The following EXTL3 variants were observed in gnomAD, a reference collection of about 807,000 sequenced individuals.
The protein encoded by EXTL3 is exostosin like glycosyltransferase 3, also known as exostosin-like 3.
EXTL3 carries 27 observed loss-of-function variants against 69.3 expected under a neutral mutation model. The ratio of observed to expected loss-of-function variants is 0.39; its 90% CI spans 0.29 to 0.54. The LOEUF (loss-of-function observed/expected upper bound fraction) is 0.54, where lower values mean the gene tolerates loss of function less well. EXTL3 is among the 20% of genes least tolerant of loss of function. The pLI is 0.69. For synonymous variants in EXTL3, 511 were observed against 499.4 expected (o/e 1.02, Z -0.31); for missense variants, 1,003 against 1,231.8 (o/e 0.81, Z 2.78).
At chr8:28,755,914 C>T (rs1220870355), downstream of EXTL3, among the ~76,000 whole-genome samples, 5 of 152,178 alleles carry the variant, frequency 3.3e-5, no homozygotes, top group Admixed American at 2.6e-4. Context: ...TTACTGGACC[C>T]GCCTTGGAGC....
chr8:28,610,952 A>G (rs1250633076), intron 2 of EXTL3, among the ~76,000 whole-genome samples: 3 of 152,090 alleles, frequency 2.0e-5, no homozygotes, highest in Admixed American at 1.3e-4. Flanking sequence ...CATGTTGGCC[A>G]GGCTGGTCTT....
At chr8:28,728,469 G>A (rs1362321506) in intron 3 of EXTL3, among the ~76,000 whole-genome samples, 5 of 152,208 alleles carry the variant, frequency 3.3e-5, no homozygotes, top group Admixed American at 2.0e-4. Flanking sequence ...GCAGGGCAAG[G>A]TGGATTTCTC....
chr8:28,736,499 T>C (rs978816783), intron 4 of EXTL3, among the ~76,000 whole-genome samples: 1 of 152,242 alleles, frequency 6.6e-6, no homozygotes, highest in Admixed American at 6.5e-5. Context: ...GGAGATGATA[T>C]AGAAGTTTCT....
chr8:28,710,515 G>A, intron 1 of EXTL3: 2 of 455,950 alleles, frequency 4.4e-6, no homozygotes, highest in South Asian at 3.1e-5. Context: ...TAAGTGGGGA[G>A]AATTTTTATG....
chr8:28,621,085 G>A (rs145890055), upstream of EXTL3, among the ~76,000 whole-genome samples: 7 of 152,258 alleles, frequency 4.6e-5, no homozygotes, highest in East Asian at 1.2e-3. Context: ...TTCAGTGTGT[G>A]TGATTTTCCA....
intron 1 of EXTL3, among the ~76,000 whole-genome samples, chr8:28,657,810 TGGGAGAGTTCCA>T (rs1342740067): frequency 6.6e-6 from 1 of 152,230 alleles, no homozygotes; most frequent in East Asian, 1.9e-4. Context: ...TGGTATCTTT[TGGGAGAGTTCCA>T]AGCTTGGCTT....
chr8:28,679,729 T>A (rs1259460142), intron 1 of EXTL3, among the ~76,000 whole-genome samples: 1 of 140,698 alleles, frequency 7.1e-6, no homozygotes, highest in Non-Finnish European at 1.5e-5. Flanking sequence ...CCCTACCTCT[T>A]AAAAAAAAAA....
At chr8:28,613,426 C>T (rs1333644769) in intron 2 of EXTL3, among the ~76,000 whole-genome samples, 10 of 152,202 alleles carry the variant, frequency 6.6e-5, no homozygotes, top group Admixed American at 1.3e-4. Context: ...TCGTGACCCA[C>T]GTGCCTCAGC....
At position 28,729,292 on chromosome 8, in the gene EXTL3, CAAAAAAA is replaced by C. The variant is rs72487306; in HGVS notation, c.2149-1916_2149-1910del. Reference sequence around the variant, plus strand: ...TCTGGGCCACAGTGAGACTCTATCTCAAAAAAAAAAAAAAAAAAAAATGTCTGGGTGC... The same window carrying C: ...TCTGGGCCACAGTGAGACTCTATCTCAAAAAAAAAAAAAATGTCTGGGTGC... On this transcript the variant is annotated intron_variant, in intron 3 of 6. Transcript: ENST00000220562. 5.4e-5 allele frequency among the ~76,000 whole-genome samples: 4 copies of C among 74,052 alleles called. No individual in the cohort carries two copies. The South Asian group carries it at 1.9e-3, about 36-fold the overall frequency. 48.6% of individuals were successfully genotyped at this position (74,052 alleles called of 152,430 possible).
chr8:28,754,688 C>G lies in EXTL3; in HGVS notation c.*3822C>G, dbSNP rs553228119. 1.6e-4 allele frequency: 24 copies of G among 152,316 alleles called. No homozygotes were observed. Among genetic ancestry groups the G allele is most frequent in the African/African-American group, 5.3e-4 (22 of 41,550 alleles). The allele number at this position is 152,316 out of a possible 1,614,324, so 9.4% of individuals were successfully genotyped here. ...CCTGTCGAGTTGTGTCTTGGACTTACGGTCTGCCAAGGTGGTAAATGTTAG... is the reference window on the plus strand; with the variant it reads ...CCTGTCGAGTTGTGTCTTGGACTTAGGGTCTGCCAAGGTGGTAAATGTTAG... On this transcript the variant is annotated 3_prime_UTR_variant, in exon 7 of 7. Coordinates refer to ENST00000220562, the MANE Select transcript of EXTL3 (RefSeq NM_001440.4).
chr8:28,733,976 C>T (rs935077845), intron 4 of EXTL3, among the ~76,000 whole-genome samples: 2 of 151,578 alleles, frequency 1.3e-5, no homozygotes, highest in Non-Finnish European at 3.0e-5. Flanking sequence ...TGCCACCATG[C>T]CTGGCTAATG....
intron 3 of EXTL3, among the ~76,000 whole-genome samples, chr8:28,723,342 G>A (rs1801338363): frequency 6.6e-6 from 1 of 152,166 alleles, no homozygotes; most frequent in Non-Finnish European, 1.5e-5. Flanking sequence ...GGTGGCTATA[G>A]CTGTGGGTTT....
intron 5 of EXTL3, among the ~76,000 whole-genome samples, chr8:28,739,550 C>T (rs977482605): frequency 6.6e-6 from 1 of 152,134 alleles, no homozygotes; most frequent in East Asian, 1.9e-4. Context: ...AGGCTGGTCT[C>T]GAACTCCTGG....
chr8:28,746,723 T>C (rs979897136), intron 6 of EXTL3, among the ~76,000 whole-genome samples: 1 of 152,230 alleles, frequency 6.6e-6, no homozygotes, highest in Non-Finnish European at 1.5e-5. Flanking sequence ...TTTGCTAGGC[T>C]GGAGTGCAGT....
chr8:28,713,963 A>G (rs1229764071), intron 2 of EXTL3, among the ~76,000 whole-genome samples: 4 of 143,954 alleles, frequency 2.8e-5, no homozygotes, highest in Non-Finnish European at 1.5e-5. Context: ...CTGGAGTGCA[A>G]TGGTGCGATC....
At chr8:28,633,117 T>C (rs1806595939) in intron 1 of EXTL3, among the ~76,000 whole-genome samples, 1 of 151,966 alleles carries the variant, frequency 6.6e-6, no homozygotes, top group East Asian at 1.9e-4. Context: ...GGCAGGAGGA[T>C]CACTTGAGGC....
rs78075498 is a variant in EXTL3 at position 28,646,395 on chromosome 8, G to A, written c.-53+23585G>A. Among the ~76,000 whole-genome samples the A allele has an allele frequency of 2.0e-3, 300 of 152,296 alleles. 4 individuals are homozygous for A. Among genetic ancestry groups the A allele is most frequent in the African/African-American group, 6.3e-3 (263 of 41,566 alleles). On this transcript the variant is annotated intron_variant, in intron 1 of 6. Coordinates refer to the EXTL3 transcript ENST00000523149. Reference sequence around the variant, plus strand: ...AAGTTAGAGCCTTGTGAGAACAGGTGACTTGGATTTTGTTTATGGTTGACA... The same window carrying A: ...AAGTTAGAGCCTTGTGAGAACAGGTAACTTGGATTTTGTTTATGGTTGACA...
upstream of EXTL3, among the ~76,000 whole-genome samples, chr8:28,622,350 C>G (rs576081004): frequency 2.6e-5 from 4 of 152,344 alleles, no homozygotes; most frequent in South Asian, 8.3e-4. Flanking sequence ...AGCCCTCCGC[C>G]GTGTGCAGCC....
rs1463922718 is a variant in EXTL3 at position 28,751,566 on chromosome 8, C to T, written c.*700C>T. ...CTCACATTCTCTTCCCAGTGAATCC[C>T]TGGGAGCGCCTGACCCTGGTGGGCT... On this transcript the variant is annotated 3_prime_UTR_variant, in exon 7 of 7. Coordinates refer to ENST00000220562, the MANE Select transcript of EXTL3 (RefSeq NM_001440.4). 1 of 152,330 alleles carries T rather than the reference C, an allele frequency of 6.6e-6. No individual in the cohort carries two copies. Among genetic ancestry groups the T allele is most frequent in the Non-Finnish European group, 1.5e-5 (1 of 68,176 alleles). 9.4% of individuals were successfully genotyped at this position (152,330 alleles called of 1,614,324 possible).
Sources: gnomAD v4.1 joint callset for allele counts (sites outside exome capture counted in the v4.1 genomes callset) on GRCh38, gnomAD v4.1.1 for gene constraint, MANE v1.5 for transcripts, NCBI Gene and HGNC (gene_info 2026-07-23, HGNC 2026-07-21) for gene names.